The following INSL6 variants were observed in gnomAD, a reference collection of about 807,000 sequenced individuals.
INSL6 encodes insulin-like peptide INSL6.
In INSL6, 16 loss-of-function variants were observed where a neutral mutation model predicts 9.4. The observed-to-expected ratio is 1.70, with a 90% CI of 1.15 to 2.59. The LOEUF (loss-of-function observed/expected upper bound fraction) is 2.59. Among genes scored for constraint, INSL6 ranks in the 30% most tolerant of loss-of-function variants. INSL6 has a pLI of 0.00. For missense variants in INSL6, 391 were observed against 257.3 expected, an observed-to-expected ratio of 1.52 and a Z score of -3.56; for synonymous variants, 154 against 96.9, an observed-to-expected ratio of 1.59 and a Z score of -3.46.
intron 2 of INSL6, among the ~76,000 whole-genome samples, chr9:5,152,869 G>A (rs1824738434): frequency 6.6e-6 from 1 of 152,182 alleles, no homozygotes; most frequent in Non-Finnish European, 1.5e-5. Flanking sequence ...CATTGGGACT[G>A]GTTAGAGAGT....
the INSL6 span, among the ~76,000 whole-genome samples, chr9:5,040,033 GACTTAT>G: frequency 6.6e-6 from 1 of 152,132 alleles, no homozygotes; most frequent in Non-Finnish European, 1.5e-5. Context: ...AAAGTTTGAA[GACTTAT>G]ACTTCCTAAT....
the INSL6 span, among the ~76,000 whole-genome samples, chr9:5,020,367 G>T: frequency 6.6e-6 from 1 of 152,158 alleles, no homozygotes; most frequent in African/African-American, 2.4e-5. Flanking sequence ...ACGTGGGAGT[G>T]GGGTGCTGAG....
the INSL6 span, among the ~76,000 whole-genome samples, chr9:5,032,050 C>T: frequency 6.6e-6 from 1 of 152,162 alleles, no homozygotes; most frequent in Non-Finnish European, 1.5e-5. Flanking sequence ...AAAATCGGGT[C>T]ACTCCCACTC....
chr9:5,118,997 T>C (rs904634695), downstream of INSL6, among the ~76,000 whole-genome samples: 3 of 152,204 alleles, frequency 2.0e-5, no homozygotes, highest in Non-Finnish European at 4.4e-5. Context: ...TGGATGTACC[T>C]TGTTTAAACT....
At chr9:5,009,970 G>A in the INSL6 span, among the ~76,000 whole-genome samples, 1 of 152,056 alleles carries the variant, frequency 6.6e-6, no homozygotes, top group Non-Finnish European at 1.5e-5. Flanking sequence ...ACAGGGTCTC[G>A]CAATGTTGCC....
At chr9:5,021,633 G>A in the INSL6 span, among the ~76,000 whole-genome samples, 1 of 152,092 alleles carries the variant, frequency 6.6e-6, no homozygotes, top group African/African-American at 2.4e-5. Context: ...ATTTATTTAT[G>A]TATTCATTTT....
the INSL6 span, among the ~76,000 whole-genome samples, chr9:5,086,711 C>T: frequency 6.6e-6 from 1 of 152,156 alleles, no homozygotes; most frequent in Non-Finnish European, 1.5e-5. Context: ...CCTGAAATCT[C>T]CCTGTCTGAC....
chr9:5,064,964 C>A, the INSL6 span: 1 of 1,607,568 alleles, frequency 6.2e-7, no homozygotes, highest in South Asian at 1.1e-5. Context: ...TGCAGATGCA[C>A]ATCATTACCT....
At chr9:5,133,295 G>A (rs929020454) in intron 3 of INSL6, 1 of 152,058 alleles carries the variant, frequency 6.6e-6, no homozygotes, top group African/African-American at 2.4e-5. Flanking sequence ...GGTCAAACCA[G>A]CACTACCTCA....
the INSL6 span, among the ~76,000 whole-genome samples, chr9:5,117,321 GGT>G: frequency 6.6e-6 from 1 of 152,210 alleles, no homozygotes; most frequent in Non-Finnish European, 1.5e-5. Context: ...CAGTGCGTAA[GGT>G]GGGAAATTAG....
the INSL6 span, chr9:5,096,741 G>A: frequency 6.6e-6 from 1 of 152,164 alleles, no homozygotes; most frequent in Admixed American, 6.5e-5. Flanking sequence ...CGGCGCATGA[G>A]TGGGGATAGT....
the INSL6 span, chr9:5,054,472 G>A: frequency 4.5e-6 from 5 of 1,108,728 alleles, no homozygotes; most frequent in Non-Finnish European, 5.2e-6. This position sits in a 1 kb window ranked among gnomAD's most constrained non-coding sequence, Gnocchi z 4.9. Flanking sequence ...CTTAATCATG[G>A]AAAAAGGTGG....
At chr9:5,075,359 AGAG>A in the INSL6 span, among the ~76,000 whole-genome samples, 1 of 152,216 alleles carries the variant, frequency 6.6e-6, no homozygotes, top group Non-Finnish European at 1.5e-5. Flanking sequence ...CCACAGCTAG[AGAG>A]GAGAAGTCAG....
intron 1 of INSL6, among the ~76,000 whole-genome samples, chr9:5,166,130 C>T (rs1377080327): frequency 6.6e-6 from 1 of 152,160 alleles, no homozygotes. Flanking sequence ...TGAGGTTTGT[C>T]ATGACAAGCT....
chr9:5,126,620 C>A, intron 3 of INSL6: 1 of 1,181,360 alleles, frequency 8.5e-7, no homozygotes, highest in Non-Finnish European at 1.2e-6. Context: ...AAATTAATGT[C>A]TTCCACCAAT....
chr9:4,997,354 C>T, the INSL6 span, among the ~76,000 whole-genome samples: 1 of 152,180 alleles, frequency 6.6e-6, no homozygotes, highest in African/African-American at 2.4e-5. Context: ...ATTTGCTCAG[C>T]TTCTGGGGAG....
chr9:5,153,470 G>C (rs767468580), intron 2 of INSL6, among the ~76,000 whole-genome samples: 1 of 152,186 alleles, frequency 6.6e-6, no homozygotes, highest in Non-Finnish European at 1.5e-5. Context: ...CAAGGCCACC[G>C]TGGAAAGACT....
At chr9:5,049,665 A>C in the INSL6 span, among the ~76,000 whole-genome samples, 1 of 152,190 alleles carries the variant, frequency 6.6e-6, no homozygotes, top group African/African-American at 2.4e-5. Flanking sequence ...GATGACTGAG[A>C]CCACATCTTA....
chr9:5,069,348 A>G, the INSL6 span: 1 of 559,904 alleles, frequency 1.8e-6, no homozygotes, highest in Non-Finnish European at 3.1e-6. Context: ...CTATTGTACA[A>G]GCATCATCAA....
Sources: gnomAD v4.1 joint callset for allele counts (sites outside exome capture counted in the v4.1 genomes callset) on GRCh38, gnomAD v4.1.1 for gene constraint, Gnocchi (gnomAD v3.1) non-coding constraint, MANE v1.5 for transcripts, NCBI Gene and HGNC (gene_info 2026-07-23, HGNC 2026-07-21) for gene names.